Variants in CACNB2 observed in about 807,000 individuals in gnomAD.
The protein encoded by CACNB2 is calcium voltage-gated channel auxiliary subunit beta 2.
CACNB2 carries 42 observed loss-of-function variants against 73.3 expected under a neutral mutation model. The ratio of observed to expected loss-of-function variants is 0.57; its 90% CI spans 0.45 to 0.74. The LOEUF (loss-of-function observed/expected upper bound fraction) is 0.74. Ranked by LOEUF, CACNB2 falls within the 30% of genes least tolerant of loss-of-function variation. The probability of loss-of-function intolerance (pLI) is 0.00; values close to 1 mark genes in which losing one functional copy is unlikely to be tolerated. For synonymous variants in CACNB2, 348 were observed against 310.3 expected, an observed-to-expected ratio of 1.12 and a Z score of -1.28; for missense variants, 940 against 853.0, an observed-to-expected ratio of 1.10 and a Z score of -1.27.
intron 3 of CACNB2, among the ~76,000 whole-genome samples, chr10:18,466,748 C>T (rs1357141611): frequency 6.6e-6 from 1 of 152,124 alleles, no homozygotes; most frequent in Non-Finnish European, 1.5e-5. Flanking sequence ...GAGACAAGTT[C>T]CAGACCCACA....
intron 7 of CACNB2, 74 bp from the exon 8 acceptor site, chr10:18,518,262 A>G: frequency 2.0e-6 from 2 of 996,056 alleles, no homozygotes; most frequent in African/African-American, 3.2e-5. Context: ...GAGTTCAGAA[A>G]GAGTACCTTA....
intron 2 of CACNB2, among the ~76,000 whole-genome samples, chr10:18,184,625 G>C (rs2034055599): frequency 7.4e-6 from 1 of 135,730 alleles, no homozygotes; most frequent in Non-Finnish European, 1.5e-5. Flanking sequence ...GGCTTCACTT[G>C]CCTGGGACAG....
intron 2 of CACNB2, among the ~76,000 whole-genome samples, chr10:18,242,209 T>C (rs571761243): frequency 6.6e-6 from 1 of 152,112 alleles, no homozygotes; most frequent in South Asian, 2.1e-4. Context: ...TTTCAATTTA[T>C]GTAATATATA....
intron 2 of CACNB2, among the ~76,000 whole-genome samples, chr10:18,350,750 C>A (rs1407090067): frequency 6.6e-6 from 1 of 152,156 alleles, no homozygotes; most frequent in Admixed American, 6.5e-5. Flanking sequence ...GGGTGTGATA[C>A]CAAGATCATC....
chr10:18,215,596 G>A (rs114760940), intron 2 of CACNB2, among the ~76,000 whole-genome samples: 2,206 of 152,194 alleles, frequency 0.014, 56 homozygotes, highest in African/African-American at 0.05. Flanking sequence ...ATGAAAACTC[G>A]CCAAACTCTT....
At chr10:18,466,484 C>T (rs954534993) in intron 3 of CACNB2, among the ~76,000 whole-genome samples, 6 of 152,148 alleles carry the variant, frequency 3.9e-5, no homozygotes, top group African/African-American at 7.2e-5. Flanking sequence ...GCTCCTGCCT[C>T]AGCCTGTCAA....
At chr10:18,360,570 A>G (rs1265664733) in intron 2 of CACNB2, among the ~76,000 whole-genome samples, 1 of 152,104 alleles carries the variant, frequency 6.6e-6, no homozygotes, top group Non-Finnish European at 1.5e-5. Flanking sequence ...CTAATAATTC[A>G]CTTATCACTC....
intron 2 of CACNB2, among the ~76,000 whole-genome samples, chr10:18,294,881 C>A (rs1193450166): frequency 6.6e-6 from 1 of 152,144 alleles, no homozygotes; most frequent in East Asian, 1.9e-4. Flanking sequence ...TGTTCAAATC[C>A]CCAGAGAATT....
chr10:18,335,784 AACACACACACAC>A (rs10545839), intron 2 of CACNB2, among the ~76,000 whole-genome samples: 13 of 144,076 alleles, frequency 9.0e-5, no homozygotes, highest in African/African-American at 2.8e-4. Flanking sequence ...ACAGCAAGAA[AACACACACACAC>A]ACACACACAC....
intron 2 of CACNB2, among the ~76,000 whole-genome samples, chr10:18,285,917 G>A (rs1345717924): frequency 1.3e-5 from 2 of 152,180 alleles, no homozygotes; most frequent in African/African-American, 4.8e-5. Flanking sequence ...GTCTGGTGAA[G>A]CCTACGGAAG....
At chr10:18,515,563 G>C (rs2051192807) in intron 7 of CACNB2, among the ~76,000 whole-genome samples, 1 of 152,210 alleles carries the variant, frequency 6.6e-6, no homozygotes, top group Admixed American at 6.5e-5. Context: ...ATACAGAACT[G>C]TAAAGTTGGC....
intron 2 of CACNB2, among the ~76,000 whole-genome samples, chr10:18,239,851 T>C (rs1034214389): frequency 1.3e-5 from 2 of 152,198 alleles, no homozygotes; most frequent in Non-Finnish European, 2.9e-5. Context: ...CACTAAATGC[T>C]TTTATTTGTT....
chr10:18,226,589 G>C (rs935137875), intron 2 of CACNB2, among the ~76,000 whole-genome samples: 1 of 152,136 alleles, frequency 6.6e-6, no homozygotes, highest in African/African-American at 2.4e-5. Flanking sequence ...TTGCTTCTAC[G>C]ATCTGCCGGC....
At chr10:18,434,317 A>G (rs2046030088) in intron 3 of CACNB2, among the ~76,000 whole-genome samples, 2 of 152,216 alleles carry the variant, frequency 1.3e-5, no homozygotes, top group Non-Finnish European at 2.9e-5. Flanking sequence ...GTGATTTAAC[A>G]TAGGGAATTA....
At chr10:18,194,147 G>A (rs1458509374) in intron 2 of CACNB2, among the ~76,000 whole-genome samples, 1 of 152,054 alleles carries the variant, frequency 6.6e-6, no homozygotes, top group East Asian at 1.9e-4. Context: ...TCACTGCTGT[G>A]GTTCCTTTCC....
At chr10:18,322,563 A>G (rs1197590227) in intron 2 of CACNB2, among the ~76,000 whole-genome samples, 2 of 152,224 alleles carry the variant, frequency 1.3e-5, no homozygotes, top group Non-Finnish European at 2.9e-5. Context: ...TCTGAGAGCA[A>G]TGTGATATCT....
chr10:18,140,896 G>A, intron 1 of CACNB2, 40 bp downstream of exon 1: 1 of 1,563,656 alleles, frequency 6.4e-7, no homozygotes, highest in South Asian at 1.2e-5. Flanking sequence ...TTTGTGAGCC[G>A]CCGGGCAGGG....
At chr10:18,443,304 C>G (rs1479448549) in intron 3 of CACNB2, among the ~76,000 whole-genome samples, 1 of 151,846 alleles carries the variant, frequency 6.6e-6, no homozygotes, top group Non-Finnish European at 1.5e-5. Flanking sequence ...GAGGCCATTT[C>G]CAGTGACAGC....
rs1187030580 is a variant in CACNB2, at chr10:18,282,982, C to G, written c.214-118942C>G. On this transcript the variant is annotated intron_variant, in intron 2 of 13. Coordinates refer to ENST00000324631, the MANE Select transcript of CACNB2 (RefSeq NM_201596.3). ...TCAAACAAATTTACAAGAAAAAAAT[C>G]AAACAACCCCATCAAAAAGTGGGCA... Among the ~76,000 whole-genome samples the G allele has an allele frequency of 3.3e-5, 5 of 152,092 alleles. No homozygotes were observed. In the East Asian group the frequency reaches 9.7e-4, roughly 29 times the overall value.
Sources: allele counts gnomAD v4.1 joint callset (sites outside exome capture counted in the v4.1 genomes callset), GRCh38; gene constraint gnomAD v4.1.1; transcripts MANE v1.5; gene names NCBI Gene and HGNC (gene_info 2026-07-23, HGNC 2026-07-21).